Variants in TRMT11 observed in about 807,000 individuals in gnomAD.
TRMT11 encodes the protein tRNA (guanine(10)-N(2))-methyltransferase TRMT11.
TRMT11 carries 53 observed loss-of-function variants against 62.8 expected under a neutral mutation model. The observed-to-expected ratio is 0.84, with a 90% CI of 0.68 to 1.06. TRMT11 has a LOEUF of 1.06. Among genes scored for constraint, TRMT11 ranks in the 50% least tolerant of loss-of-function variants. The pLI, the probability that TRMT11 is intolerant of heterozygous loss-of-function variation, is 0.00. For synonymous variants in TRMT11, 188 were observed against 190.3 expected (o/e 0.99, Z 0.10); for missense variants, 556 against 553.4 (o/e 1.00, Z -0.05).
chr6:126,174,969 C>G (rs1778368834), upstream of TRMT11, among the ~76,000 whole-genome samples: 1 of 152,186 alleles, frequency 6.6e-6, no homozygotes, highest in Non-Finnish European at 1.5e-5. Flanking sequence ...AAAATGATTT[C>G]TTACAGAATG....
chr6:126,257,957 C>G, the TRMT11 span: 1 of 1,558,182 alleles, frequency 6.4e-7, no homozygotes, highest in South Asian at 1.1e-5. Context: ...TCTGCATGCC[C>G]CGGATCTTGT....
intron 21 of TRMT11, among the ~76,000 whole-genome samples, chr6:126,122,663 T>A (rs1777663769): frequency 6.6e-6 from 1 of 152,142 alleles, no homozygotes; most frequent in Non-Finnish European, 1.5e-5. Flanking sequence ...TAGCTTTAGA[T>A]CTTACCCTTT....
chr6:126,020,564 A>G (rs964675234), intron 11 of TRMT11, among the ~76,000 whole-genome samples: 2 of 152,222 alleles, frequency 1.3e-5, no homozygotes, highest in Non-Finnish European at 2.9e-5. Flanking sequence ...CCTGGTTCAT[A>G]TGACCAGAAG....
At chr6:126,078,438 T>C (rs1777082883) in intron 17 of TRMT11, among the ~76,000 whole-genome samples, 1 of 152,108 alleles carries the variant, frequency 6.6e-6, no homozygotes, top group Admixed American at 6.6e-5. Context: ...TTTTTTTTCT[T>C]CCGTTCCTGA....
the TRMT11 span, among the ~76,000 whole-genome samples, chr6:126,236,328 A>G: frequency 1.3e-5 from 2 of 152,080 alleles, no homozygotes; most frequent in Non-Finnish European, 2.9e-5. Context: ...TTAATAAGCT[A>G]TTTTCTTAGA....
intron 21 of TRMT11, among the ~76,000 whole-genome samples, chr6:126,138,516 C>T (rs1018819061): frequency 1.3e-5 from 2 of 151,924 alleles, no homozygotes; most frequent in Admixed American, 6.6e-5. Flanking sequence ...TTGAAGCACA[C>T]ACTGTGGCTA....
chr6:126,159,985 C>T (rs1443955928), intron 21 of TRMT11, among the ~76,000 whole-genome samples: 1 of 152,170 alleles, frequency 6.6e-6, no homozygotes, highest in African/African-American at 2.4e-5. Context: ...TACAATTTTA[C>T]AGCAGGACTA....
intron 1 of TRMT11, among the ~76,000 whole-genome samples, chr6:125,991,964 A>G (rs1252169865): frequency 2.0e-5 from 3 of 152,246 alleles, no homozygotes; most frequent in Non-Finnish European, 2.9e-5. Context: ...GAATTAACGC[A>G]TCACACATGC....
the TRMT11 span, among the ~76,000 whole-genome samples, chr6:126,238,488 C>G: frequency 6.6e-6 from 1 of 152,060 alleles, no homozygotes; most frequent in Non-Finnish European, 1.5e-5. Context: ...CATTCAGGAG[C>G]AGGTTGTTCA....
the TRMT11 span, among the ~76,000 whole-genome samples, chr6:126,268,960 T>C: frequency 2.0e-5 from 3 of 152,092 alleles, no homozygotes; most frequent in African/African-American, 7.2e-5. Context: ...ATATTAGTCA[T>C]ATAAAAATAT....
chr6:126,186,958 A>G (rs1023310476), intron 1 of TRMT11, among the ~76,000 whole-genome samples: 3 of 152,052 alleles, frequency 2.0e-5, no homozygotes, highest in Non-Finnish European at 2.9e-5. Flanking sequence ...GTAAACTAGT[A>G]TTTAAATAGA....
chr6:126,249,039 G>A, the TRMT11 span, among the ~76,000 whole-genome samples: 2 of 152,064 alleles, frequency 1.3e-5, no homozygotes, highest in African/African-American at 4.8e-5. Flanking sequence ...TATTGAGAAG[G>A]TGATCTGACA....
intron 21 of TRMT11, among the ~76,000 whole-genome samples, chr6:126,138,890 C>G (rs1169079307): frequency 6.6e-6 from 1 of 151,700 alleles, no homozygotes; most frequent in African/African-American, 2.4e-5. Context: ...AATTATATAC[C>G]TAGATATGTA....
At chr6:126,231,681 G>A in the TRMT11 span, among the ~76,000 whole-genome samples, 2 of 152,180 alleles carry the variant, frequency 1.3e-5, no homozygotes, top group African/African-American at 4.8e-5. Context: ...TTTGAAAGTA[G>A]CTCCTCTCTT....
the TRMT11 span, among the ~76,000 whole-genome samples, chr6:126,229,583 C>G: frequency 6.6e-6 from 1 of 152,170 alleles, no homozygotes. Flanking sequence ...AACAGCCAAT[C>G]CTTGAAGTAC....
intron 7 of TRMT11, among the ~76,000 whole-genome samples, chr6:126,003,885 C>T (rs1792927187): frequency 6.6e-6 from 1 of 151,936 alleles, no homozygotes; most frequent in African/African-American, 2.4e-5. Context: ...AAAAGTTTTC[C>T]CCACACTCAA....
the TRMT11 span, among the ~76,000 whole-genome samples, chr6:126,233,673 A>G: frequency 6.6e-6 from 1 of 152,192 alleles, no homozygotes; most frequent in African/African-American, 2.4e-5. Flanking sequence ...AGTGCCCACA[A>G]TTCTTTTAGA....
At chr6:126,104,440 A>C (rs1044005866) in intron 17 of TRMT11, among the ~76,000 whole-genome samples, 10 of 152,196 alleles carry the variant, frequency 6.6e-5, no homozygotes, top group African/African-American at 2.2e-4. Context: ...TTCAGTCACT[A>C]TCAGGAAGCT....
At chr6:126,013,253 C>T (rs1562264305) in intron 11 of TRMT11, 152 bp downstream of exon 11, 2 of 742,672 alleles carry the variant, frequency 2.7e-6, no homozygotes, top group Non-Finnish European at 4.1e-6. Flanking sequence ...ATAAAATAGT[C>T]TTTTTATTTA....
Sources: allele counts gnomAD v4.1 joint callset (sites outside exome capture counted in the v4.1 genomes callset), GRCh38; gene constraint gnomAD v4.1.1; transcripts MANE v1.5; gene names NCBI Gene and HGNC (gene_info 2026-07-23, HGNC 2026-07-21).